Variants in MACROD2 observed in about 807,000 individuals in gnomAD.
MACROD2 encodes the protein mono-ADP ribosylhydrolase 2.
Under a neutral mutation model 70.4 loss-of-function variants are expected in MACROD2, and 36 were observed. That is an observed-to-expected ratio of 0.51 (90% CI 0.39 to 0.68). The LOEUF (loss-of-function observed/expected upper bound fraction) is 0.68. MACROD2 is among the 30% of genes least tolerant of loss of function. The probability of loss-of-function intolerance (pLI) is 0.00; values close to 1 mark genes in which losing one functional copy is unlikely to be tolerated. For missense variants in MACROD2, 496 were observed against 538.4 expected (o/e 0.92, Z 0.78); for synonymous variants, 172 against 178.8 (o/e 0.96, Z 0.30).
intron 7 of MACROD2, among the ~76,000 whole-genome samples, chr20:15,479,692 G>C (rs1568837498): frequency 6.6e-6 from 1 of 152,182 alleles, no homozygotes; most frequent in Non-Finnish European, 1.5e-5. Flanking sequence ...GCTCTACCAA[G>C]TACATTAGCC....
intron 3 of MACROD2, among the ~76,000 whole-genome samples, chr20:14,313,647 G>A (rs952556506): frequency 1.3e-5 from 2 of 151,938 alleles, no homozygotes; most frequent in Admixed American, 1.3e-4. Flanking sequence ...ATATTGAAAC[G>A]GAATTCTCAC....
chr20:14,590,034 A>C (rs115748335), intron 4 of MACROD2, among the ~76,000 whole-genome samples: 22 of 152,086 alleles, frequency 1.4e-4, no homozygotes, highest in African/African-American at 4.3e-4. Context: ...AAAACTGTGG[A>C]TATTAGACAG....
chr20:15,784,176 T>C (rs560756191), intron 8 of MACROD2, among the ~76,000 whole-genome samples: 1 of 152,216 alleles, frequency 6.6e-6, no homozygotes, highest in African/African-American at 2.4e-5. Context: ...AAAAGCACTG[T>C]AGCTAGTTTT....
intron 5 of MACROD2, among the ~76,000 whole-genome samples, chr20:15,139,169 A>G (rs183010047): frequency 2.0e-5 from 3 of 152,182 alleles, no homozygotes; most frequent in African/African-American, 7.2e-5. Flanking sequence ...AAATGAAATA[A>G]AAAGTCAGTC....
chr20:15,990,596 T>C, intron 15 of MACROD2, among the ~76,000 whole-genome samples: 1 of 152,168 alleles, frequency 6.6e-6, no homozygotes, highest in East Asian at 1.9e-4. Context: ...GACAGAGACT[T>C]AAAGTATACT....
intron 2 of MACROD2, among the ~76,000 whole-genome samples, chr20:14,072,743 G>A (rs6079283): frequency 0.015 from 2,351 of 152,128 alleles, 34 homozygotes; most frequent in Non-Finnish European, 0.023. Flanking sequence ...GACCATCCTG[G>A]CTAACACTGT....
chr20:15,913,367 G>A (rs2065264587), intron 10 of MACROD2, among the ~76,000 whole-genome samples: 3 of 152,034 alleles, frequency 2.0e-5, no homozygotes, highest in South Asian at 2.1e-4. Context: ...TTTTCTTGTT[G>A]TGTGTATTTT....
intron 6 of MACROD2, among the ~76,000 whole-genome samples, chr20:15,316,109 A>C (rs534053620): frequency 7.2e-5 from 11 of 152,004 alleles, no homozygotes; most frequent in Non-Finnish European, 1.5e-4. Context: ...ACTAAAAAAA[A>C]AAAAAGTCAG....
chr20:15,658,603 G>A (rs1266052426), intron 8 of MACROD2, among the ~76,000 whole-genome samples: 3 of 152,298 alleles, frequency 2.0e-5, no homozygotes, highest in African/African-American at 2.4e-5. Context: ...TGGTCATCGT[G>A]TCAGAATCTC....
At chr20:15,861,726 C>T (rs1216700624) in intron 8 of MACROD2, among the ~76,000 whole-genome samples, 2 of 152,120 alleles carry the variant, frequency 1.3e-5, no homozygotes, top group African/African-American at 4.8e-5. Context: ...TCCTTTTCTA[C>T]TGGGAACTGT....
chr20:15,007,826 C>G (rs2075051856), intron 5 of MACROD2, among the ~76,000 whole-genome samples: 1 of 152,196 alleles, frequency 6.6e-6, no homozygotes, highest in Non-Finnish European at 1.5e-5. Flanking sequence ...TTCAGGAAAC[C>G]CCAATAACTC....
At chr20:14,016,926 C>A (rs1454563118) in intron 2 of MACROD2, among the ~76,000 whole-genome samples, 1 of 151,930 alleles carries the variant, frequency 6.6e-6, no homozygotes, top group African/African-American at 2.4e-5. Flanking sequence ...ATCTGTAGAT[C>A]ATTTTGGGTA....
Position 15,077,534 on chromosome 20 carries a change from C to G in MACROD2, c.419-152406C>G, listed in dbSNP as rs372693250. On this transcript the variant is annotated intron_variant, in intron 5 of 17. Coordinates refer to ENST00000684519, the MANE Select transcript of MACROD2 (RefSeq NM_001351661.2). Reference sequence around the variant, plus strand: ...ATTAGTAGTGTGGTAAATCATTTTTCTGAAGGTTGGTTTGGACCATTTATA... The same window carrying G: ...ATTAGTAGTGTGGTAAATCATTTTTGTGAAGGTTGGTTTGGACCATTTATA... Among the ~76,000 whole-genome samples, 16 of 152,220 alleles carry G rather than the reference C, an allele frequency of 1.1e-4. No individual in the cohort carries two copies. In the East Asian group the frequency reaches 3.1e-3, roughly 29 times the overall value.
intron 6 of MACROD2, among the ~76,000 whole-genome samples, chr20:15,375,744 C>G (rs1205483936): frequency 1.3e-5 from 2 of 152,064 alleles, no homozygotes; most frequent in Admixed American, 1.3e-4. Flanking sequence ...CATTTTAGCT[C>G]ATTTAATTAA....
At position 14,275,177 on chromosome 20, in the gene MACROD2, A is replaced by G. The variant is rs559873866; in HGVS notation, c.271+189449A>G. ...AAAAAGAGCCCGCATCGCCAAGTCA[A>G]TCCTAAGCCAAACGAACAAAGCTGG... On this transcript the variant is annotated intron_variant, in intron 3 of 17. Transcript: ENST00000684519. Among the ~76,000 whole-genome samples, 105 of 152,294 alleles carry G rather than the reference A, an allele frequency of 6.9e-4. 1 individual carries two copies. Among genetic ancestry groups the G allele is most frequent in the Non-Finnish European group, 1.1e-3 (76 of 68,014 alleles).
At chr20:15,914,992 G>A (rs560320426) in intron 10 of MACROD2, among the ~76,000 whole-genome samples, 14 of 152,304 alleles carry the variant, frequency 9.2e-5, no homozygotes, top group African/African-American at 2.6e-4. Flanking sequence ...CAGTGCATAG[G>A]GTGAGATCTG....
At chr20:14,203,192 T>C (rs1428502623) in intron 3 of MACROD2, among the ~76,000 whole-genome samples, 1 of 152,194 alleles carries the variant, frequency 6.6e-6, no homozygotes, top group East Asian at 1.9e-4. Flanking sequence ...CAATTGTATT[T>C]TTTAATTTCA....
intron 3 of MACROD2, among the ~76,000 whole-genome samples, chr20:14,134,285 A>C (rs1211558733): frequency 6.6e-6 from 1 of 152,156 alleles, no homozygotes; most frequent in African/African-American, 2.4e-5. Context: ...CTTACATGTT[A>C]ATATGAACCT....
chr20:15,919,232 T>C (rs1052847871), intron 10 of MACROD2, among the ~76,000 whole-genome samples: 5 of 152,214 alleles, frequency 3.3e-5, no homozygotes, highest in Non-Finnish European at 7.3e-5. Flanking sequence ...GAGGGATTCA[T>C]GTGTCGTTTT....
Sources: allele counts gnomAD v4.1 joint callset (sites outside exome capture counted in the v4.1 genomes callset), GRCh38; gene constraint gnomAD v4.1.1; transcripts MANE v1.5; gene names NCBI Gene and HGNC (gene_info 2026-07-23, HGNC 2026-07-21).